The following TRDMT1 variants were observed in gnomAD, a reference collection of about 807,000 sequenced individuals.
TRDMT1 encodes the protein tRNA aspartic acid methyltransferase 1, also known as tRNA (cytosine(38)-C(5))-methyltransferase.
In TRDMT1, 49 loss-of-function variants were observed where a neutral mutation model predicts 51.2. The ratio of observed to expected loss-of-function variants is 0.96; its 90% CI spans 0.76 to 1.21. TRDMT1 has a LOEUF of 1.21. Ranked by LOEUF, TRDMT1 falls within the 50% of genes most tolerant of loss-of-function variation. The pLI, the probability that TRDMT1 is intolerant of heterozygous loss-of-function variation, is 0.00. For synonymous variants in TRDMT1, 187 were observed against 164.6 expected (o/e 1.14, Z -1.04); for missense variants, 534 against 462.3 (o/e 1.16, Z -1.42).
intron 1 of TRDMT1, among the ~76,000 whole-genome samples, chr10:17,196,118 T>C (rs746845860): frequency 1.1e-4 from 16 of 152,198 alleles, no homozygotes; most frequent in Non-Finnish European, 1.5e-4. Context: ...ATGTAAGTCG[T>C]TGAGGAACAA....
intron 1 of TRDMT1, among the ~76,000 whole-genome samples, chr10:17,196,499 A>T (rs772774495): frequency 5.3e-5 from 8 of 152,226 alleles, no homozygotes; most frequent in Non-Finnish European, 8.8e-5. Flanking sequence ...AACCTGTGAC[A>T]CTACTTCTTC....
At chr10:17,174,683 T>C (rs1842425339) in intron 1 of TRDMT1, 23 bp from the exon 2 acceptor site, 2 of 1,561,688 alleles carry the variant, frequency 1.3e-6, no homozygotes, top group South Asian at 1.1e-5. Flanking sequence ...ATGGAGTATC[T>C]TGAAAAGAAA....
intron 10 of TRDMT1, 164 bp downstream of exon 10, chr10:17,153,343 T>C (rs1352627664): frequency 1.3e-6 from 1 of 754,422 alleles, no homozygotes; most frequent in African/African-American, 1.8e-5. Context: ...AATGAGGCAG[T>C]TATGAGGGGA....
At chr10:17,179,287 CAGAAG>C (rs1210813426) in intron 1 of TRDMT1, among the ~76,000 whole-genome samples, 1 of 152,086 alleles carries the variant, frequency 6.6e-6, no homozygotes, top group African/African-American at 2.4e-5. Context: ...CTTTCCTTGG[CAGAAG>C]AGAAGAGAAA....
rs566274443 is a variant in TRDMT1 at position 17,158,603 on chromosome 10, C to A, written c.543+543G>T. 2.6e-5 allele frequency among the ~76,000 whole-genome samples: 4 copies of A among 152,148 alleles called. No homozygotes were observed. The East Asian group carries it at 7.7e-4, about 29-fold the overall frequency. On this transcript the variant is annotated intron_variant, in intron 7 of 10. Transcript: ENST00000377799. ...TCAGTTATCCATCCCCGTTTTTTGA[C>A]CTAAGCATGTAAAACTGCTCACATA...
At chr10:17,200,010 A>G (rs1845943098) in intron 1 of TRDMT1, among the ~76,000 whole-genome samples, 1 of 152,242 alleles carries the variant, frequency 6.6e-6, no homozygotes, top group Non-Finnish European at 1.5e-5. Flanking sequence ...TATGTAGTTA[A>G]GGCACTCAAA....
rs1295028542 is a variant in TRDMT1, at chr10:17,141,724, G to C, written c.*7316C>G. ...CTTCTGTCATTTCCTCTCTACTACT[G>C]ATCTCAAGTTTAGCAAAAGATATAA... is the stretch of plus-strand genomic sequence containing the variant. On this transcript the variant is annotated 3_prime_UTR_variant, in exon 11 of 11. Coordinates refer to ENST00000377799, the MANE Select transcript of TRDMT1 (RefSeq NM_004412.7). Among the ~76,000 whole-genome samples, 1 of 152,048 alleles carries C rather than the reference G, an allele frequency of 6.6e-6. No individual in the cohort carries two copies. The highest frequency in any genetic ancestry group is 1.5e-5 in the Non-Finnish European group (1 of 68,024).
In TRDMT1 at chr10:17,161,950, C is replaced by T. The variant is rs1840418971; in HGVS notation, c.323+216G>A. Among the ~76,000 whole-genome samples, 3 of 152,194 alleles carry T rather than the reference C, an allele frequency of 2.0e-5. No individual in the cohort carries two copies. The South Asian group carries it at 6.2e-4, about 31-fold the overall frequency. The stretch of plus-strand genomic sequence containing the variant: ...GAGGCAGCAGAATCTAGCTAGTAGG[C>T]TGTGATTCCCTGTCACTCACCGTGG... On this transcript the variant is annotated intron_variant, in intron 4 of 10. Coordinates refer to ENST00000377799, the MANE Select transcript of TRDMT1 (RefSeq NM_004412.7).
chr10:17,153,220 C>T, intron 10 of TRDMT1: 2 of 461,620 alleles, frequency 4.3e-6, no homozygotes, highest in East Asian at 3.2e-5. Context: ...ATGCTATGCA[C>T]AGCCATCTGT....
At chr10:17,170,752 T>C (rs1377268533) in intron 2 of TRDMT1, among the ~76,000 whole-genome samples, 1 of 152,226 alleles carries the variant, frequency 6.6e-6, no homozygotes, top group African/African-American at 2.4e-5. Context: ...TATATAGATT[T>C]CTTGTTATAC....
At chr10:17,151,345 G>A (rs1347124656) in intron 10 of TRDMT1, 14 of 985,190 alleles carry the variant, frequency 1.4e-5, no homozygotes, top group Admixed American at 6.2e-5. Context: ...GCTTTCACCC[G>A]TAAGGACAGG....
At position 17,145,277 on chromosome 10, in the gene TRDMT1, C is replaced by CAA. The variant is rs138056262; in HGVS notation, c.*3761_*3762dup. ...CAAAACAAAACAAAACAAAACAAAA[C>CAA]AAAAAAAACAGCAAAGGGAAACTCT... On this transcript the variant is annotated 3_prime_UTR_variant, in exon 11 of 11. Coordinates refer to ENST00000377799, the MANE Select transcript of TRDMT1 (RefSeq NM_004412.7). 4 of 940,476 alleles carry CAA rather than the reference C, an allele frequency of 4.3e-6. No homozygotes were observed. The highest frequency in any genetic ancestry group is 5.1e-6 in the Non-Finnish European group (4 of 790,842). 58.3% of individuals were successfully genotyped at this position (940,476 alleles called of 1,614,324 possible).
intron 10 of TRDMT1, chr10:17,151,503 A>G: frequency 1.0e-6 from 1 of 984,852 alleles, no homozygotes; most frequent in Non-Finnish European, 1.2e-6. Context: ...CCCAGGGTCA[A>G]TAATGTTGGA....
In TRDMT1 at chr10:17,148,650, T is replaced by C. The variant is rs1399861899; in HGVS notation, c.*390A>G. ...TAGAATTAGAATCATTATTTTAAAA[T>C]TAGAAATAAAAAACTTCTTTAATTA... On this transcript the variant is annotated 3_prime_UTR_variant, in exon 11 of 11. Transcript: ENST00000377799. The C allele has an allele frequency of 6.2e-6, 6 of 967,296 alleles. No individual in the cohort carries two copies. The highest frequency in any genetic ancestry group is 1.8e-5 in the African/African-American group (1 of 56,634). The allele number at this position is 967,296 out of a possible 1,614,324, so 59.9% of individuals were successfully genotyped here.
In TRDMT1 at chr10:17,166,359, G is replaced by A. The variant is rs909837303; in HGVS notation, c.251+2482C>T. On this transcript the variant is annotated intron_variant, in intron 3 of 10. Coordinates refer to ENST00000377799, the MANE Select transcript of TRDMT1 (RefSeq NM_004412.7). ...CACAGGACGGGGAACATCACACACC[G>A]GGGCCTGTTGTGGGGTGGGGGGAGG... Among the ~76,000 whole-genome samples the A allele has an allele frequency of 1.4e-4, 20 of 140,164 alleles. No homozygotes were observed. The East Asian group carries it at 1.5e-3, about 11-fold the overall frequency. 92.0% of individuals were successfully genotyped at this position (140,164 alleles called of 152,430 possible). A position where few individuals can be genotyped will look rare whatever the true frequency, so the allele number is the denominator to read the frequency against.
chr10:17,174,056 C>T (rs1203562168), intron 2 of TRDMT1, among the ~76,000 whole-genome samples: 1 of 152,132 alleles, frequency 6.6e-6, no homozygotes, highest in Non-Finnish European at 1.5e-5. Flanking sequence ...AGCCACCGCG[C>T]CCAGCCAATT....
intron 8 of TRDMT1, among the ~76,000 whole-genome samples, chr10:17,156,715 T>G (rs1839562460): frequency 6.6e-6 from 1 of 152,190 alleles, no homozygotes; most frequent in Non-Finnish European, 1.5e-5. Flanking sequence ...CTTTAAGTAC[T>G]GATATGCGAT....
intron 3 of TRDMT1, among the ~76,000 whole-genome samples, chr10:17,166,452 T>A (rs530855334): frequency 3.3e-5 from 5 of 152,076 alleles, no homozygotes; most frequent in Admixed American, 1.3e-4. Flanking sequence ...CACACCAACA[T>A]GGCACACGTA....
chr10:17,192,129 G>T (rs886461241), intron 1 of TRDMT1, among the ~76,000 whole-genome samples: 1 of 152,162 alleles, frequency 6.6e-6, no homozygotes. Flanking sequence ...GGTGGTAAAG[G>T]TGAAAATGGA....
Sources: allele counts gnomAD v4.1 joint callset (sites outside exome capture counted in the v4.1 genomes callset), GRCh38; gene constraint gnomAD v4.1.1; transcripts MANE v1.5; gene names NCBI Gene and HGNC (gene_info 2026-07-23, HGNC 2026-07-21).